The following PDE4D variants were observed in gnomAD, a reference collection of about 807,000 sequenced individuals.
PDE4D encodes phosphodiesterase 4D.
Under a neutral mutation model 87.4 loss-of-function variants are expected in PDE4D, and 24 were observed. That is an observed-to-expected ratio of 0.27 (90% CI 0.20 to 0.39). The LOEUF is 0.39. PDE4D is among the 10% of genes least tolerant of loss of function. PDE4D has a pLI of 1.00. For synonymous variants in PDE4D, 384 were observed against 383.2 expected, an observed-to-expected ratio of 1.00 and a Z score of -0.02; for missense variants, 714 against 1,041.0, an observed-to-expected ratio of 0.69 and a Z score of 4.32.
chr5:59,539,077 T>A (rs1176682081), intron 1 of PDE4D, among the ~76,000 whole-genome samples: 4 of 152,226 alleles, frequency 2.6e-5, no homozygotes, highest in Non-Finnish European at 4.4e-5. Context: ...GAAGTGATTA[T>A]ACTTCATTGT....
chr5:60,426,431 C>G (rs1247593242), intron 1 of PDE4D, among the ~76,000 whole-genome samples: 2 of 151,980 alleles, frequency 1.3e-5, no homozygotes, highest in African/African-American at 4.8e-5. Flanking sequence ...ATCACAATGA[C>G]AGAAAACCAA....
chr5:59,372,782 C>A (rs1380633044), intron 1 of PDE4D, among the ~76,000 whole-genome samples: 1 of 152,226 alleles, frequency 6.6e-6, no homozygotes, highest in African/African-American at 2.4e-5. Context: ...CACCCACTAG[C>A]ACTTCACTGC....
intron 2 of PDE4D, among the ~76,000 whole-genome samples, chr5:60,028,207 T>C (rs1275566833): frequency 6.6e-6 from 1 of 152,114 alleles, no homozygotes; most frequent in African/African-American, 2.4e-5. Flanking sequence ...GAGCTCTCTT[T>C]GCCTTTTTCT....
chr5:59,537,233 A>G (rs910504669), intron 1 of PDE4D, among the ~76,000 whole-genome samples: 22 of 152,134 alleles, frequency 1.4e-4, no homozygotes, highest in African/African-American at 4.1e-4. Context: ...GCTTTGACCA[A>G]CTCTTAACTG....
chr5:60,209,310 C>T (rs779214906), intron 1 of PDE4D, among the ~76,000 whole-genome samples: 4 of 150,602 alleles, frequency 2.7e-5, no homozygotes, highest in Non-Finnish European at 4.4e-5. Flanking sequence ...CGTAGCTTCC[C>T]GTTTTCCAGA....
At chr5:59,122,180 GAAGA>G (rs1561522655) in intron 5 of PDE4D, among the ~76,000 whole-genome samples, 2 of 142,586 alleles carry the variant, frequency 1.4e-5, no homozygotes, top group South Asian at 2.3e-4. Flanking sequence ...AGAAAGAAAG[GAAGA>G]AAGAAAGAAA....
At chr5:59,700,736 A>T (rs298090) in intron 1 of PDE4D, among the ~76,000 whole-genome samples, 114,717 of 152,058 alleles carry the variant, frequency 0.75, 43,395 homozygotes, top group East Asian at 0.84. Context: ...TACCAATATC[A>T]ACTCAGTAAA....
At chr5:59,738,229 A>G (rs1180421739) in intron 1 of PDE4D, among the ~76,000 whole-genome samples, 1 of 152,166 alleles carries the variant, frequency 6.6e-6, no homozygotes, top group Non-Finnish European at 1.5e-5. Flanking sequence ...CAACACATGC[A>G]ACAGCATACA....
intron 1 of PDE4D, among the ~76,000 whole-genome samples, chr5:60,520,865 G>A (rs1751008345): frequency 6.6e-6 from 1 of 152,136 alleles, no homozygotes; most frequent in Non-Finnish European, 1.5e-5. Flanking sequence ...GGCAGAGCAA[G>A]GTCATTCCAC....
intron 3 of PDE4D, among the ~76,000 whole-genome samples, chr5:59,981,968 G>A (rs556198917): frequency 6.6e-6 from 1 of 152,120 alleles, no homozygotes; most frequent in Non-Finnish European, 1.5e-5. Context: ...AGAGTGGTTA[G>A]TCAAAGAATC....
At chr5:59,950,586 A>T (rs1280557690) in intron 3 of PDE4D, among the ~76,000 whole-genome samples, 2 of 152,138 alleles carry the variant, frequency 1.3e-5, no homozygotes, top group Non-Finnish European at 2.9e-5. Flanking sequence ...ATATATAATT[A>T]TAATAATGTG....
intron 1 of PDE4D, among the ~76,000 whole-genome samples, chr5:59,793,101 G>A (rs977581528): frequency 3.3e-5 from 5 of 152,202 alleles, no homozygotes; most frequent in African/African-American, 1.2e-4. Flanking sequence ...CAATCTGACT[G>A]CAGACTCAGG....
intron 1 of PDE4D, among the ~76,000 whole-genome samples, chr5:59,336,442 T>C (rs926570351): frequency 1.3e-5 from 2 of 152,232 alleles, no homozygotes; most frequent in Non-Finnish European, 2.9e-5. Flanking sequence ...TTAATGTTGT[T>C]AGAAACTGGT....
chr5:60,510,484 G>A (rs79115227), intron 1 of PDE4D, among the ~76,000 whole-genome samples: 82 of 152,282 alleles, frequency 5.4e-4, no homozygotes, highest in African/African-American at 2.0e-3. Flanking sequence ...CTTAAAGAAT[G>A]AGTACAATTT....
At chr5:59,970,147 A>G (rs966348490) in intron 3 of PDE4D, among the ~76,000 whole-genome samples, 4 of 151,802 alleles carry the variant, frequency 2.6e-5, no homozygotes, top group Non-Finnish European at 5.9e-5. Context: ...GATATGTTCC[A>G]GTATTAAAAG....
At chr5:60,072,569 A>G (rs1253530918) in intron 2 of PDE4D, among the ~76,000 whole-genome samples, 1 of 152,004 alleles carries the variant, frequency 6.6e-6, no homozygotes, top group East Asian at 1.9e-4. Flanking sequence ...TCTACATCAT[A>G]AAATCTTTGC....
At chr5:59,224,154 G>A (rs1036099810) in intron 1 of PDE4D, among the ~76,000 whole-genome samples, 2 of 148,040 alleles carry the variant, frequency 1.4e-5, no homozygotes, top group African/African-American at 2.5e-5. Flanking sequence ...AAAAAGTCAG[G>A]CACGATGATG....
At position 59,893,187 on chromosome 5, in the gene PDE4D, A is replaced by G. The variant is rs1212712022; in HGVS notation, c.436T>C (p.Ser146Pro). Reference protein sequence around the residue: ...LKKSRMSWPSSFQGLRRFDVD... With the variant: ...LKKSRMSWPSPFQGLRRFDVD... ...ACTCACCGCCTGAGTCCCTGGAACGAGGAGGGCCAGGACATCCTGGATTTC... is the reference window on the plus strand; with the variant it reads ...ACTCACCGCCTGAGTCCCTGGAACGGGGAGGGCCAGGACATCCTGGATTTC... Residue 146 changes from serine (S) to proline (P), a missense_variant, in exon 1 of 15, where the codon TCG becomes CCG. This residue lies in a region of PDE4D where 268 missense variants were observed against 272.9 expected (regional missense o/e 0.98). Transcript: ENST00000340635. 1 of 1,564,574 alleles carries G rather than the reference A, an allele frequency of 6.4e-7. No individual in the cohort carries two copies. Among genetic ancestry groups the G allele is most frequent in the Non-Finnish European group, 8.7e-7 (1 of 1,154,488 alleles).
chr5:59,116,891 T>TA (rs377429056), intron 5 of PDE4D, among the ~76,000 whole-genome samples: 1 of 152,224 alleles, frequency 6.6e-6, no homozygotes, highest in Non-Finnish European at 1.5e-5. Context: ...AGCAAGTTTT[T>TA]AAAAAGTTTC....
Sources: gnomAD v4.1 joint callset for allele counts (sites outside exome capture counted in the v4.1 genomes callset) on GRCh38, gnomAD v4.1.1 for gene constraint, gnomAD v4.1.1 regional missense constraint, MANE v1.5 for transcripts, NCBI Gene and HGNC (gene_info 2026-07-23, HGNC 2026-07-21) for gene names.